Variants in PRKN observed in about 807,000 individuals in gnomAD.
The protein encoded by PRKN is parkin RBR E3 ubiquitin protein ligase, also known as E3 ubiquitin-protein ligase parkin.
Under a neutral mutation model 59.5 loss-of-function variants are expected in PRKN, and 56 were observed. That is an observed-to-expected ratio of 0.94 (90% CI 0.76 to 1.18). The LOEUF (loss-of-function observed/expected upper bound fraction) is 1.18, where lower values mean the gene tolerates loss of function less well. PRKN is among the 50% of genes most tolerant of loss of function. The pLI, the probability that PRKN is intolerant of heterozygous loss-of-function variation, is 0.00. For missense variants in PRKN, 657 were observed against 596.4 expected, an observed-to-expected ratio of 1.10 and a Z score of -1.06; for synonymous variants, 250 against 222.1, an observed-to-expected ratio of 1.13 and a Z score of -1.12.
intron 2 of PRKN, among the ~76,000 whole-genome samples, chr6:162,348,010 A>G (rs1166764011): frequency 2.0e-5 from 3 of 152,196 alleles, no homozygotes. Context: ...ACAGGACAAA[A>G]TATTGGTGAG....
chr6:161,921,940 G>T (rs1297758889), intron 6 of PRKN, among the ~76,000 whole-genome samples: 1 of 152,164 alleles, frequency 6.6e-6, no homozygotes, highest in South Asian at 2.1e-4. Context: ...TCAATTACCA[G>T]AGAAAGTGGA....
intron 1 of PRKN, among the ~76,000 whole-genome samples, chr6:162,583,251 T>C (rs1267266841): frequency 6.6e-6 from 1 of 152,170 alleles, no homozygotes; most frequent in African/African-American, 2.4e-5. Flanking sequence ...TCTTTGCACA[T>C]TACCTAGTCT....
intron 1 of PRKN, among the ~76,000 whole-genome samples, chr6:162,598,397 C>CT (rs1392843547): frequency 6.6e-6 from 1 of 152,144 alleles, no homozygotes; most frequent in Non-Finnish European, 1.5e-5. Flanking sequence ...GCACTCACAA[C>CT]TGTGAATACA....
In PRKN at chr6:162,618,292, C is replaced by G. The variant is rs76662686; in HGVS notation, c.7+109370G>C. ...CAATGCATGGATAATGGTGAGCTATCTGGCAACTGCCAAAATCCTACTACT... is the reference window on the plus strand; with the variant it reads ...CAATGCATGGATAATGGTGAGCTATGTGGCAACTGCCAAAATCCTACTACT... On this transcript the variant is annotated intron_variant, in intron 1 of 11. Coordinates refer to ENST00000366898, the MANE Select transcript of PRKN (RefSeq NM_004562.3). Among the ~76,000 whole-genome samples the G allele has an allele frequency of 8.0e-3, 1,220 of 152,224 alleles. 11 individuals carry two copies. The highest frequency in any genetic ancestry group is 0.056 in the East Asian group (288 of 5,162).
chr6:161,805,452 GCA>G (rs1554310490), intron 6 of PRKN, among the ~76,000 whole-genome samples: 86 of 39,116 alleles, frequency 2.2e-3, no homozygotes, highest in South Asian at 5.9e-3. Flanking sequence ...GTACACACAT[GCA>G]CACACACACA....
intron 4 of PRKN, among the ~76,000 whole-genome samples, chr6:162,158,175 G>A (rs1367937363): frequency 1.3e-5 from 2 of 152,074 alleles, no homozygotes; most frequent in South Asian, 4.2e-4. Flanking sequence ...CCATTAGGAA[G>A]GTTTTCTGTT....
chr6:162,183,494 A>G (rs1783888568), intron 4 of PRKN, among the ~76,000 whole-genome samples: 1 of 152,198 alleles, frequency 6.6e-6, no homozygotes, highest in Admixed American at 6.5e-5. Context: ...TCTGTGTAAG[A>G]AAGTCACCTC....
chr6:162,355,411 A>ATCTATCTATCTATCTATCTATCTATC (rs1562696425), intron 2 of PRKN, among the ~76,000 whole-genome samples: 4 of 143,970 alleles, frequency 2.8e-5, no homozygotes, highest in African/African-American at 8.8e-5. Flanking sequence ...ATCTATCTAT[A>ATCTATCTATCTATCTATCTATCTATC]TATATATAAC....
At position 161,554,386 on chromosome 6, in the gene PRKN, A is replaced by G. The variant is rs1334307951; in HGVS notation, c.934-5383T>C. ...CTATGCTGTCTTTCTCTTAACCTTC[A>G]TGTTATCTTACTTCTATACACACAC... On this transcript the variant is annotated intron_variant, in intron 8 of 11. Transcript: ENST00000366898. This position sits in a 1 kb window ranked among gnomAD's most constrained non-coding sequence, Gnocchi z 4.5. 7.2e-6 allele frequency among the ~76,000 whole-genome samples: 1 copy of G among 139,586 alleles called. No homozygotes were observed. The highest frequency in any genetic ancestry group is 1.5e-5 in the Non-Finnish European group (1 of 65,982). The allele number at this position is 139,586 out of a possible 152,430, so 91.6% of individuals were successfully genotyped here.
chr6:161,731,941 G>C (rs1471876195), intron 7 of PRKN, among the ~76,000 whole-genome samples: 1 of 151,680 alleles, frequency 6.6e-6, no homozygotes, highest in Non-Finnish European at 1.5e-5. Context: ...TACTTTTTTT[G>C]GTATTTTTTT....
chr6:162,254,608 A>C (rs1034422942), intron 3 of PRKN, among the ~76,000 whole-genome samples: 1 of 152,146 alleles, frequency 6.6e-6, no homozygotes. Context: ...TTAGAATAAG[A>C]GCTGTGTTTG....
chr6:162,059,769 C>T (rs1258829048), intron 4 of PRKN, among the ~76,000 whole-genome samples: 3 of 151,784 alleles, frequency 2.0e-5, no homozygotes, highest in East Asian at 3.9e-4. Flanking sequence ...CTAGTAATGA[C>T]GATAACCAAG....
chr6:162,034,487 C>T (rs1420479321), intron 5 of PRKN, among the ~76,000 whole-genome samples: 4 of 152,034 alleles, frequency 2.6e-5, no homozygotes, highest in Non-Finnish European at 5.9e-5. Context: ...ATATTTCCTG[C>T]AGTTTATTCA....
At chr6:161,739,086 G>A (rs544819243) in intron 7 of PRKN, among the ~76,000 whole-genome samples, 6 of 152,218 alleles carry the variant, frequency 3.9e-5, no homozygotes, top group Non-Finnish European at 5.9e-5. Context: ...CACTGGATCC[G>A]TATTTTCTCC....
chr6:162,340,935 A>G (rs1784150155), intron 2 of PRKN, among the ~76,000 whole-genome samples: 1 of 152,212 alleles, frequency 6.6e-6, no homozygotes, highest in African/African-American at 2.4e-5. Flanking sequence ...TAATTAAACT[A>G]AAGAGCTTTG....
chr6:162,637,512 C>T (rs1777773236), intron 1 of PRKN, among the ~76,000 whole-genome samples: 1 of 152,140 alleles, frequency 6.6e-6, no homozygotes, highest in Non-Finnish European at 1.5e-5. Context: ...TACAGGTCTT[C>T]AGCCAGTACG....
At chr6:161,364,356 G>T (rs1785104605) in intron 10 of PRKN, among the ~76,000 whole-genome samples, 1 of 150,804 alleles carries the variant, frequency 6.6e-6, no homozygotes, top group Non-Finnish European at 1.5e-5. Context: ...CTACTCAGGA[G>T]GCTGAGGCAG....
At chr6:162,159,966 A>AT in intron 4 of PRKN, among the ~76,000 whole-genome samples, 1 of 152,288 alleles carries the variant, frequency 6.6e-6, no homozygotes, top group South Asian at 2.1e-4. Context: ...AACCAAGAAG[A>AT]TTTTTGTGAC....
intron 4 of PRKN, among the ~76,000 whole-genome samples, chr6:162,171,496 G>A (rs548704302): frequency 6.6e-6 from 1 of 152,114 alleles, no homozygotes; most frequent in East Asian, 1.9e-4. Flanking sequence ...TGTCAAACCG[G>A]GAAAATACTC....
Sources: allele counts gnomAD v4.1 joint callset (sites outside exome capture counted in the v4.1 genomes callset), GRCh38; gene constraint gnomAD v4.1.1; non-coding constraint Gnocchi (gnomAD v3.1); transcripts MANE v1.5; gene names NCBI Gene and HGNC (gene_info 2026-07-23, HGNC 2026-07-21).